Variants in KATNIP observed in about 807,000 individuals in gnomAD.
KATNIP encodes the protein katanin-interacting protein.
KATNIP carries 126 observed loss-of-function variants against 174.0 expected under a neutral mutation model. The ratio of observed to expected loss-of-function variants is 0.72; its 90% CI spans 0.63 to 0.84. KATNIP has a LOEUF of 0.84. Among genes scored for constraint, KATNIP ranks in the 40% least tolerant of loss-of-function variants. The pLI, the probability that KATNIP is intolerant of heterozygous loss-of-function variation, is 0.00. For synonymous variants in KATNIP, 810 were observed against 835.7 expected (o/e 0.97, Z 0.53); for missense variants, 1,958 against 2,109.7 (o/e 0.93, Z 1.41).
intron 8 of KATNIP, among the ~76,000 whole-genome samples, chr16:27,691,170 C>T (rs999512430): frequency 1.3e-5 from 2 of 152,154 alleles, no homozygotes; most frequent in Non-Finnish European, 2.9e-5. Flanking sequence ...TGAATTTGAG[C>T]TTTTCAAGTC....
chr16:27,727,873 C>CA (rs986551127), intron 14 of KATNIP: 1 of 152,176 alleles, frequency 6.6e-6, no homozygotes, highest in Non-Finnish European at 1.5e-5. Flanking sequence ...ACATCTCTAA[C>CA]AAAAAAAGTT....
At chr16:27,630,164 G>C (rs2076444766) in intron 4 of KATNIP, among the ~76,000 whole-genome samples, 1 of 152,208 alleles carries the variant, frequency 6.6e-6, no homozygotes, top group Admixed American at 6.5e-5. Flanking sequence ...TCTGGAATGA[G>C]GCAGACTGGA....
chr16:27,622,002 T>C (rs1470796671), intron 3 of KATNIP, among the ~76,000 whole-genome samples: 1 of 152,102 alleles, frequency 6.6e-6, no homozygotes, highest in Non-Finnish European at 1.5e-5. Context: ...AATCACTCCC[T>C]GTGTCTGGTG....
intron 18 of KATNIP, among the ~76,000 whole-genome samples, chr16:27,759,094 T>A (rs1435962306): frequency 6.6e-6 from 1 of 152,236 alleles, no homozygotes; most frequent in Non-Finnish European, 1.5e-5. Context: ...TAATTAGTCA[T>A]GTGTTTAAAA....
At chr16:27,742,841 T>C (rs1382149535) in intron 15 of KATNIP, among the ~76,000 whole-genome samples, 8 of 141,476 alleles carry the variant, frequency 5.7e-5, no homozygotes, top group Non-Finnish European at 1.2e-4. Context: ...TAGTTTTCTT[T>C]TCTTTTTTTC....
At chr16:27,759,320 T>C (rs755078143) in intron 18 of KATNIP, among the ~76,000 whole-genome samples, 4 of 151,460 alleles carry the variant, frequency 2.6e-5, no homozygotes, top group Non-Finnish European at 4.4e-5. Flanking sequence ...ATGTAGAGAG[T>C]GATGGGGTGA....
intron 2 of KATNIP, among the ~76,000 whole-genome samples, chr16:27,609,081 A>T (rs891916733): frequency 6.6e-6 from 1 of 152,074 alleles, no homozygotes; most frequent in Non-Finnish European, 1.5e-5. Context: ...CTTGTTGCCC[A>T]GGTAACATTT....
intron 12 of KATNIP, among the ~76,000 whole-genome samples, chr16:27,704,397 A>C (rs759326192): frequency 1.3e-5 from 2 of 152,226 alleles, no homozygotes; most frequent in Non-Finnish European, 2.9e-5. Flanking sequence ...CGGCAGTCCC[A>C]CATACGTGGC....
At chr16:27,690,014 C>T (rs1345722360) in intron 8 of KATNIP, among the ~76,000 whole-genome samples, 2 of 152,086 alleles carry the variant, frequency 1.3e-5, no homozygotes, top group Admixed American at 6.6e-5. Flanking sequence ...AGAAAGTCAC[C>T]AGGCAGGGCC....
intron 12 of KATNIP, among the ~76,000 whole-genome samples, chr16:27,704,429 A>T (rs563755186): frequency 6.6e-6 from 1 of 152,312 alleles, no homozygotes; most frequent in South Asian, 2.1e-4. Flanking sequence ...TAAACAGGTG[A>T]AATCCTCTTG....
intron 1 of KATNIP, among the ~76,000 whole-genome samples, chr16:27,563,363 G>C (rs2089961369): frequency 6.6e-6 from 1 of 152,146 alleles, no homozygotes. Context: ...GAGCAGAAGA[G>C]GGATGTGGGA....
intron 8 of KATNIP, among the ~76,000 whole-genome samples, chr16:27,694,424 T>C (rs2142940691): frequency 6.6e-6 from 1 of 152,306 alleles, no homozygotes; most frequent in African/African-American, 2.4e-5. Context: ...CCTGTAAATT[T>C]CATTAGTTTG....
intron 1 of KATNIP, among the ~76,000 whole-genome samples, chr16:27,563,891 T>TAAAAAA (rs58505514): frequency 1.5e-5 from 1 of 66,680 alleles, no homozygotes; most frequent in Non-Finnish European, 2.5e-5. Context: ...TCTAGTAAAT[T>TAAAAAA]AAAAAAAAAA....
chr16:27,701,835 C>T, intron 11 of KATNIP, 140 bp downstream of exon 11: 1 of 638,218 alleles, frequency 1.6e-6, no homozygotes, highest in Non-Finnish European at 2.8e-6. Context: ...TGCTCTGTTG[C>T]CCAGGCTGGA....
chr16:27,712,544 G>T (rs541906751), intron 13 of KATNIP, among the ~76,000 whole-genome samples: 4 of 152,196 alleles, frequency 2.6e-5, no homozygotes. Context: ...ACCTAGAAGC[G>T]GAGGCTGGGT....
chr16:27,659,151 AG>A (rs1431577233), intron 6 of KATNIP, among the ~76,000 whole-genome samples: 1 of 152,230 alleles, frequency 6.6e-6, no homozygotes, highest in Non-Finnish European at 1.5e-5. Context: ...TAAGAAGACA[AG>A]GAAGTATTCA....
intron 2 of KATNIP, among the ~76,000 whole-genome samples, chr16:27,576,792 T>G (rs2090515244): frequency 6.6e-6 from 1 of 152,208 alleles, no homozygotes. Flanking sequence ...ATGCCAGGTA[T>G]AGATCAAACT....
intron 14 of KATNIP, among the ~76,000 whole-genome samples, chr16:27,732,605 G>T (rs954924781): frequency 4.6e-5 from 7 of 152,208 alleles, no homozygotes; most frequent in Admixed American, 3.9e-4. Context: ...ACCAGAGTCA[G>T]GGAGGAGGGG....
Position 27,757,038 on chromosome 16 carries a change from C to G in KATNIP, c.3631+2787C>G, listed in dbSNP as rs73517339. On this transcript the variant is annotated intron_variant, in intron 18 of 27. Transcript: ENST00000261588. ...CTATCCCAGAATTAGATCTCTGGGC[C>G]TAGCTTGAGTCATGTACCCATTCTC... Among the ~76,000 whole-genome samples the G allele has an allele frequency of 3.6e-3, 545 of 152,296 alleles. 5 individuals carry two copies. Among genetic ancestry groups the G allele is most frequent in the African/African-American group, 0.013 (526 of 41,564 alleles).
Sources: gnomAD v4.1 joint callset for allele counts (sites outside exome capture counted in the v4.1 genomes callset) on GRCh38, gnomAD v4.1.1 for gene constraint, MANE v1.5 for transcripts, NCBI Gene and HGNC (gene_info 2026-07-23, HGNC 2026-07-21) for gene names.